The following TAFA5 variants were observed in gnomAD, a reference collection of about 807,000 sequenced individuals.
The protein encoded by TAFA5 is TAFA chemokine like family member 5.
In TAFA5, 6 loss-of-function variants were observed where a neutral mutation model predicts 15.3. That is an observed-to-expected ratio of 0.39 (90% CI 0.21 to 0.77). The LOEUF (loss-of-function observed/expected upper bound fraction) is 0.77, where lower values mean the gene tolerates loss of function less well. Ranked by LOEUF, TAFA5 falls within the 30% of genes least tolerant of loss-of-function variation. TAFA5 has a pLI of 0.41. For synonymous variants in TAFA5, 103 were observed against 80.7 expected, an observed-to-expected ratio of 1.28 and a Z score of -1.48; for missense variants, 161 against 193.1, an observed-to-expected ratio of 0.83 and a Z score of 0.98.
chr22:48,708,855 C>G (rs1017613280), intron 3 of TAFA5, among the ~76,000 whole-genome samples: 1 of 152,234 alleles, frequency 6.6e-6, no homozygotes, highest in Non-Finnish European at 1.5e-5. Context: ...CAGGGAAATC[C>G]TTCCCCTTGC....
intron 1 of TAFA5, among the ~76,000 whole-genome samples, chr22:48,601,356 C>T (rs558332757): frequency 3.3e-5 from 5 of 151,558 alleles, no homozygotes; most frequent in South Asian, 2.1e-4. Flanking sequence ...ATGGAATTTT[C>T]GCTCTTGTTG....
At chr22:48,662,064 G>A (rs1046034443) in intron 2 of TAFA5, among the ~76,000 whole-genome samples, 1 of 152,090 alleles carries the variant, frequency 6.6e-6, no homozygotes, top group Admixed American at 6.5e-5. Flanking sequence ...TGGGAAGCTG[G>A]TGTTGTGGCT....
chr22:48,614,912 C>T lies in TAFA5; in HGVS notation c.113-31685C>T, dbSNP rs1051907528. Among the ~76,000 whole-genome samples, 7 of 152,128 alleles carry T rather than the reference C, an allele frequency of 4.6e-5. No homozygotes were observed. The East Asian group carries it at 9.7e-4, about 21-fold the overall frequency. On this transcript the variant is annotated intron_variant, in intron 1 of 3. Transcript: ENST00000402357. ...AAGGCCGGGCATGGGGTCAGCAGAG[C>T]GGGCCTGGCCTCCCAGTCACCGGGG...
chr22:48,651,676 A>G (rs955636367), intron 2 of TAFA5, among the ~76,000 whole-genome samples: 1 of 152,070 alleles, frequency 6.6e-6, no homozygotes, highest in Non-Finnish European at 1.5e-5. Context: ...GTGGACGCTG[A>G]GGCCGTGGGT....
chr22:48,573,268 T>G (rs1321618540), intron 1 of TAFA5, among the ~76,000 whole-genome samples: 1 of 152,202 alleles, frequency 6.6e-6, no homozygotes, highest in African/African-American at 2.4e-5. Context: ...CCCACCACAG[T>G]TTTTTCTCTT....
chr22:48,715,712 C>T (rs1279265258), intron 3 of TAFA5, among the ~76,000 whole-genome samples: 4 of 152,188 alleles, frequency 2.6e-5, no homozygotes, highest in Non-Finnish European at 4.4e-5. Flanking sequence ...GTGGGGCCTG[C>T]TGGCCCGACC....
intron 1 of TAFA5, among the ~76,000 whole-genome samples, chr22:48,604,240 G>C (rs562332601): frequency 6.6e-6 from 1 of 152,206 alleles, no homozygotes; most frequent in African/African-American, 2.4e-5. Context: ...TTACATCTCA[G>C]GCACTGCGTT....
intron 2 of TAFA5, among the ~76,000 whole-genome samples, chr22:48,705,922 T>G (rs1929064148): frequency 6.6e-6 from 1 of 152,218 alleles, no homozygotes; most frequent in South Asian, 2.1e-4. Context: ...TTATGCACAT[T>G]GAGAGTTGTG....
At chr22:48,675,773 A>T (rs1184007892) in intron 2 of TAFA5, among the ~76,000 whole-genome samples, 2 of 152,156 alleles carry the variant, frequency 1.3e-5, no homozygotes, top group African/African-American at 4.8e-5. Context: ...CTGCTCTCTT[A>T]TTCTTCAAGA....
At chr22:48,583,919 C>CCACA (rs1233984716) in intron 1 of TAFA5, among the ~76,000 whole-genome samples, 1 of 128,294 alleles carries the variant, frequency 7.8e-6, no homozygotes, top group Non-Finnish European at 1.7e-5. Flanking sequence ...ACCTCATACA[C>CCACA]CACACACACA....
intron 1 of TAFA5, among the ~76,000 whole-genome samples, chr22:48,569,862 G>C (rs527991618): frequency 6.6e-6 from 1 of 152,220 alleles, no homozygotes; most frequent in African/African-American, 2.4e-5. Flanking sequence ...AAAGAGGCAG[G>C]AACTATGGCC....
At chr22:48,493,435 C>T (rs956878595) in intron 1 of TAFA5, among the ~76,000 whole-genome samples, 17 of 152,208 alleles carry the variant, frequency 1.1e-4, no homozygotes, top group African/African-American at 4.1e-4. Context: ...AGCGTAGGCA[C>T]TGTAGTGTTG....
At chr22:48,544,684 G>A (rs761273189) in intron 1 of TAFA5, 103 of 471,210 alleles carry the variant, frequency 2.2e-4, no homozygotes, top group Non-Finnish European at 3.5e-4. Flanking sequence ...TGGACTTGCT[G>A]TGTCCCTGCG....
At chr22:48,606,403 AG>A (rs1213370559) in intron 1 of TAFA5, among the ~76,000 whole-genome samples, 2 of 152,224 alleles carry the variant, frequency 1.3e-5, no homozygotes, top group Non-Finnish European at 2.9e-5. Flanking sequence ...ACTGAAAAAA[AG>A]TAGGTTTAAG....
intron 1 of TAFA5, among the ~76,000 whole-genome samples, chr22:48,528,750 G>A (rs1047693231): frequency 4.6e-5 from 7 of 152,232 alleles, no homozygotes; most frequent in Admixed American, 2.0e-4. Context: ...TCAAGTGTGC[G>A]TGCAGGGCCG....
intron 1 of TAFA5, among the ~76,000 whole-genome samples, chr22:48,551,252 G>C (rs1403116693): frequency 6.6e-6 from 1 of 152,128 alleles, no homozygotes; most frequent in African/African-American, 2.4e-5. Flanking sequence ...ACCCTGGAAG[G>C]CAGGGAGCCC....
chr22:48,494,094 C>A (rs1928244589), intron 1 of TAFA5, among the ~76,000 whole-genome samples: 1 of 152,182 alleles, frequency 6.6e-6, no homozygotes, highest in Admixed American at 6.5e-5. Flanking sequence ...AAGTTCTGCC[C>A]CAGAGTTCTG....
intron 2 of TAFA5, among the ~76,000 whole-genome samples, chr22:48,687,316 A>G (rs1928394982): frequency 6.8e-6 from 1 of 146,418 alleles, no homozygotes; most frequent in African/African-American, 2.5e-5. Flanking sequence ...GGGTGGATGA[A>G]TGGATGGTGG....
intron 2 of TAFA5, among the ~76,000 whole-genome samples, chr22:48,668,659 C>T (rs180671333): frequency 2.9e-5 from 3 of 103,420 alleles, no homozygotes; most frequent in Admixed American, 9.5e-5. Context: ...CACTCAGGGC[C>T]GCGTCTTCAC....
Sources: allele counts gnomAD v4.1 joint callset (sites outside exome capture counted in the v4.1 genomes callset), GRCh38; gene constraint gnomAD v4.1.1; transcripts MANE v1.5; gene names NCBI Gene and HGNC (gene_info 2026-07-23, HGNC 2026-07-21).